The following ADAMTSL1 variants were observed in gnomAD, a reference collection of about 807,000 sequenced individuals.
ADAMTSL1 encodes ADAMTS-like protein 1.
In ADAMTSL1, 126 loss-of-function variants were observed where a neutral mutation model predicts 201.8. That is an observed-to-expected ratio of 0.62 (90% CI 0.54 to 0.72). The LOEUF is 0.72. ADAMTSL1 is among the 30% of genes least tolerant of loss of function. The probability of loss-of-function intolerance (pLI) is 0.00; values close to 1 mark genes in which losing one functional copy is unlikely to be tolerated. For synonymous variants in ADAMTSL1, 1,121 were observed against 903.4 expected (o/e 1.24, Z -4.32); for missense variants, 2,679 against 2,277.8 (o/e 1.18, Z -3.59).
intron 1 of ADAMTSL1, among the ~76,000 whole-genome samples, chr9:17,925,857 A>AAG (rs1826505414): frequency 4.3e-5 from 1 of 23,418 alleles, no homozygotes. Context: ...AAGTATAATT[A>AAG]AAAAAAAAAA....
chr9:18,282,903 A>G (rs1424019638), intron 2 of ADAMTSL1, among the ~76,000 whole-genome samples: 1 of 152,238 alleles, frequency 6.6e-6, no homozygotes, highest in East Asian at 1.9e-4. Flanking sequence ...GTCTCAAAAA[A>G]GAAAAGAAAA....
At chr9:18,061,976 G>A (rs1042360535) in intron 1 of ADAMTSL1, among the ~76,000 whole-genome samples, 1 of 152,132 alleles carries the variant, frequency 6.6e-6, no homozygotes, top group Non-Finnish European at 1.5e-5. Context: ...CATTTACTTG[G>A]AGACAGGATG....
intron 7 of ADAMTSL1, among the ~76,000 whole-genome samples, chr9:18,646,251 CTT>C (rs1454317614): frequency 1.3e-5 from 2 of 152,142 alleles, no homozygotes; most frequent in South Asian, 2.1e-4. Context: ...TATCTTGAGA[CTT>C]TGCTGAAGTT....
intron 2 of ADAMTSL1, among the ~76,000 whole-genome samples, chr9:18,395,139 G>A (rs141991353): frequency 1.6e-4 from 25 of 152,274 alleles, no homozygotes; most frequent in Admixed American, 7.2e-4. Context: ...TCCTTAGGCT[G>A]TTGCCAGGTG....
chr9:18,205,645 A>G (rs771960848), intron 2 of ADAMTSL1, among the ~76,000 whole-genome samples: 3 of 152,158 alleles, frequency 2.0e-5, no homozygotes, highest in Non-Finnish European at 2.9e-5. Context: ...CTCTTCCTGT[A>G]CTTCATGATG....
chr9:18,176,912 T>C (rs1262230049), intron 2 of ADAMTSL1, among the ~76,000 whole-genome samples: 1 of 152,200 alleles, frequency 6.6e-6, no homozygotes, highest in Non-Finnish European at 1.5e-5. Context: ...TTGATTTTAT[T>C]AAAGAAGTCT....
At chr9:18,414,507 G>A (rs186685250) in intron 2 of ADAMTSL1, among the ~76,000 whole-genome samples, 3 of 152,280 alleles carry the variant, frequency 2.0e-5, no homozygotes, top group African/African-American at 4.8e-5. Context: ...AAACAAAAAT[G>A]TGTGAAACAA....
At chr9:18,763,605 C>A (rs746106446) in intron 16 of ADAMTSL1, among the ~76,000 whole-genome samples, 2 of 151,936 alleles carry the variant, frequency 1.3e-5, no homozygotes, top group Non-Finnish European at 2.9e-5. Flanking sequence ...TTTGTAGTAG[C>A]CTCTTTGTTT....
chr9:17,945,525 A>G (rs1827425179), intron 1 of ADAMTSL1, among the ~76,000 whole-genome samples: 4 of 151,966 alleles, frequency 2.6e-5, no homozygotes, highest in Non-Finnish European at 5.9e-5. Context: ...ACGTATGTTT[A>G]TTGCGGCATT....
intron 1 of ADAMTSL1, among the ~76,000 whole-genome samples, chr9:18,077,081 GGGA>G (rs903014419): frequency 6.6e-6 from 1 of 152,072 alleles, no homozygotes; most frequent in Non-Finnish European, 1.5e-5. Context: ...GAAGCAGTCT[GGGA>G]GGAGGAGGAG....
At chr9:18,222,705 T>G (rs1464849702) in intron 2 of ADAMTSL1, among the ~76,000 whole-genome samples, 1 of 151,558 alleles carries the variant, frequency 6.6e-6, no homozygotes, top group Non-Finnish European at 1.5e-5. Context: ...GGGAGAATTT[T>G]CTTTCTTCTT....
At chr9:18,472,602 A>C (rs1363305656), upstream of ADAMTSL1, among the ~76,000 whole-genome samples, 1 of 152,138 alleles carries the variant, frequency 6.6e-6, no homozygotes. Flanking sequence ...GCTTTTCTTC[A>C]CCTTTTTGAA....
chr9:18,236,228 G>A (rs1321301546), intron 2 of ADAMTSL1, among the ~76,000 whole-genome samples: 5 of 151,926 alleles, frequency 3.3e-5, no homozygotes, highest in African/African-American at 7.3e-5. Flanking sequence ...CCACCACCAC[G>A]CCCGACTAAT....
At chr9:17,997,727 A>G (rs1320628454) in intron 1 of ADAMTSL1, among the ~76,000 whole-genome samples, 1 of 152,090 alleles carries the variant, frequency 6.6e-6, no homozygotes, top group African/African-American at 2.4e-5. Flanking sequence ...GTTCTTTTGA[A>G]GATCACACAT....
chr9:18,644,406 C>G (rs1405637695), intron 7 of ADAMTSL1, among the ~76,000 whole-genome samples: 5 of 151,420 alleles, frequency 3.3e-5, no homozygotes, highest in Admixed American at 3.3e-4. Context: ...TATTATTATA[C>G]TTTAAGTTTT....
At chr9:18,651,470 C>T (rs961678426) in intron 7 of ADAMTSL1, 1 of 152,154 alleles carries the variant, frequency 6.6e-6, no homozygotes, top group African/African-American at 2.4e-5. Flanking sequence ...GGAAGGTGAT[C>T]GATGAATATC....
At chr9:18,448,399 G>A (rs950521232) in intron 2 of ADAMTSL1, among the ~76,000 whole-genome samples, 1 of 152,060 alleles carries the variant, frequency 6.6e-6, no homozygotes, top group Non-Finnish European at 1.5e-5. Flanking sequence ...TGAGATCAGG[G>A]CCAAATGTCA....
intron 16 of ADAMTSL1, among the ~76,000 whole-genome samples, chr9:18,769,284 T>C (rs1191603519): frequency 6.6e-6 from 1 of 152,222 alleles, no homozygotes; most frequent in Non-Finnish European, 1.5e-5. Flanking sequence ...AAGCAGGTAC[T>C]TCAGCACAAA....
At chr9:18,903,201 A>G (rs1830108053) in intron 26 of ADAMTSL1, among the ~76,000 whole-genome samples, 3 of 152,202 alleles carry the variant, frequency 2.0e-5, no homozygotes, top group South Asian at 4.1e-4. Flanking sequence ...ACAAAAACAT[A>G]AAAAGAAAAA....
Sources: gnomAD v4.1 joint callset for allele counts (sites outside exome capture counted in the v4.1 genomes callset) on GRCh38, gnomAD v4.1.1 for gene constraint, MANE v1.5 for transcripts, NCBI Gene and HGNC (gene_info 2026-07-23, HGNC 2026-07-21) for gene names.